The following TEX11 variants were observed in gnomAD, a reference collection of about 807,000 sequenced individuals.
The protein encoded by TEX11 is testis expressed 11.
Under a neutral mutation model 84.4 loss-of-function variants are expected in TEX11, and 7 were observed. The ratio of observed to expected loss-of-function variants is 0.08; its 90% CI spans 0.05 to 0.16. TEX11 has a LOEUF of 0.16. Among genes scored for constraint, TEX11 ranks in the 10% least tolerant of loss-of-function variants. The pLI, the probability that TEX11 is intolerant of heterozygous loss-of-function variation, is 1.00. For missense variants in TEX11, 551 were observed against 660.5 expected, an observed-to-expected ratio of 0.83 and a Z score of 1.82; for synonymous variants, 264 against 222.8, an observed-to-expected ratio of 1.18 and a Z score of -1.64.
intron 17 of TEX11, among the ~76,000 whole-genome samples, chrX:70,650,988 T>A (rs1603195013): frequency 8.9e-6 from 1 of 111,947 alleles, no homozygotes; most frequent in Admixed American, 9.5e-5. Flanking sequence ...CTGTCTACTC[T>A]GTGGAGAGAA....
At chrX:70,558,062 G>C (rs1267393321) in intron 25 of TEX11, among the ~76,000 whole-genome samples, 1 of 111,329 alleles carries the variant, frequency 9.0e-6, no homozygotes, top group Non-Finnish European at 1.9e-5. Flanking sequence ...GAGGAGAATT[G>C]CTTGAACCAA....
chrX:70,897,179 T>TACAGAGAG (rs1274935270), intron 2 of TEX11, among the ~76,000 whole-genome samples: 197 of 54,731 alleles, frequency 3.6e-3, no homozygotes, highest in African/African-American at 0.01. Flanking sequence ...TATATATATG[T>TACAGAGAG]TATATATAAT....
chrX:70,718,562 C>G (rs184823333), intron 13 of TEX11, among the ~76,000 whole-genome samples: 200 of 112,339 alleles, frequency 1.8e-3, no homozygotes, highest in African/African-American at 6.2e-3. Flanking sequence ...AGGTCAGTCA[C>G]TGAACTGAGT....
chrX:70,789,345 AC>A (rs1415307752), intron 9 of TEX11, among the ~76,000 whole-genome samples: 1 of 112,105 alleles, frequency 8.9e-6, no homozygotes, highest in Non-Finnish European at 1.9e-5. Flanking sequence ...GTAATCCCAA[AC>A]TTTGGGAGGC....
chrX:70,556,066 A>T (rs1406966437), intron 25 of TEX11, among the ~76,000 whole-genome samples: 3 of 111,823 alleles, frequency 2.7e-5, no homozygotes, highest in Non-Finnish European at 5.6e-5. Context: ...TTCAAAAGAA[A>T]AAAAAACTTT....
chrX:70,734,619 A>T (rs2090681731), intron 11 of TEX11, among the ~76,000 whole-genome samples: 1 of 111,989 alleles, frequency 8.9e-6, no homozygotes, highest in Non-Finnish European at 1.9e-5. Context: ...TCTACTTTGG[A>T]TATTTAAGCT....
intron 9 of TEX11, among the ~76,000 whole-genome samples, chrX:70,754,317 G>A (rs2090851771): frequency 1.8e-5 from 2 of 111,606 alleles, no homozygotes; most frequent in Non-Finnish European, 3.8e-5. Flanking sequence ...AGTACTCCTT[G>A]TGGCCTGGGA....
chrX:70,571,811 G>GATAT (rs57471849), intron 25 of TEX11, among the ~76,000 whole-genome samples: 7 of 110,142 alleles, frequency 6.4e-5, no homozygotes, highest in Admixed American at 9.7e-5. Context: ...TATGTATTGT[G>GATAT]ATATATATAT....
chrX:70,685,711 T>C (rs1302237383), intron 13 of TEX11, among the ~76,000 whole-genome samples: 1 of 112,288 alleles, frequency 8.9e-6, no homozygotes, highest in Non-Finnish European at 1.9e-5. Flanking sequence ...TAAGTGTTCC[T>C]ATTTCTCCAT....
intron 17 of TEX11, among the ~76,000 whole-genome samples, chrX:70,646,060 CA>C (rs2089738200): frequency 9.0e-6 from 1 of 111,528 alleles, no homozygotes; most frequent in South Asian, 3.7e-4. Context: ...ATGGTATTGG[CA>C]GAAAAACAGA....
chrX:70,750,049 C>A (rs1236072823), intron 9 of TEX11, among the ~76,000 whole-genome samples: 1 of 110,807 alleles, frequency 9.0e-6, no homozygotes, highest in Non-Finnish European at 1.9e-5. Context: ...TATCCAGAAT[C>A]TACAAAGAAC....
intron 5 of TEX11, among the ~76,000 whole-genome samples, 154 bp downstream of exon 5, chrX:70,860,703 T>C (rs1409365303): frequency 1.8e-5 from 2 of 111,781 alleles, no homozygotes; most frequent in Non-Finnish European, 3.8e-5. Context: ...GTAGTAAATA[T>C]ACCATTATAA....
the TEX11 span, among the ~76,000 whole-genome samples, chrX:70,518,922 C>A: frequency 9.6e-4 from 107 of 111,824 alleles, no homozygotes; most frequent in East Asian, 5.6e-3. Context: ...TTATCAGAGA[C>A]TAGGATTATA....
chrX:70,655,097 T>A (rs1337562691), intron 16 of TEX11, among the ~76,000 whole-genome samples: 1 of 110,434 alleles, frequency 9.1e-6, no homozygotes, highest in African/African-American at 3.3e-5. Flanking sequence ...GTATAAGTAG[T>A]ATGGCCTAAA....
chrX:70,751,443 T>C (rs2090823985), intron 9 of TEX11, among the ~76,000 whole-genome samples: 1 of 81,508 alleles, frequency 1.2e-5, no homozygotes, highest in Admixed American at 1.8e-4. Flanking sequence ...TGAGAACACA[T>C]GGACACAGGA....
chrX:70,742,983 T>C (rs1308640895), intron 10 of TEX11, among the ~76,000 whole-genome samples: 4 of 111,386 alleles, frequency 3.6e-5, no homozygotes, highest in Non-Finnish European at 7.5e-5. Flanking sequence ...CCAGCATCCA[T>C]CTCGAGAACT....
chrX:70,797,636 A>C (rs1380164124), intron 9 of TEX11, among the ~76,000 whole-genome samples: 1 of 108,204 alleles, frequency 9.2e-6, no homozygotes. Context: ...AATACTAGCA[A>C]ACCAAATACA....
intron 2 of TEX11, among the ~76,000 whole-genome samples, chrX:70,885,004 A>T (rs370183239): frequency 2.7e-5 from 3 of 111,243 alleles, no homozygotes; most frequent in East Asian, 5.7e-4. Flanking sequence ...GGGTCCGGCA[A>T]ACTCTAGCTG....
At chrX:70,729,237 T>C (rs1041826820) in intron 11 of TEX11, among the ~76,000 whole-genome samples, 6 of 110,486 alleles carry the variant, frequency 5.4e-5, no homozygotes, top group Non-Finnish European at 7.6e-5. Context: ...AAACTGGAAA[T>C]TCTAAAAATC....
Sources: allele counts gnomAD v4.1 joint callset (sites outside exome capture counted in the v4.1 genomes callset), GRCh38; gene constraint gnomAD v4.1.1; transcripts MANE v1.5; gene names NCBI Gene and HGNC (gene_info 2026-07-23, HGNC 2026-07-21).